ESYT2: variants seen among roughly 807,000 people sequenced by gnomAD.
The protein encoded by ESYT2 is extended synaptotagmin-2.
A neutral mutation model predicts 107.2 loss-of-function variants in ESYT2; 54 were observed. The observed-to-expected ratio is 0.50, with a 90% confidence interval of 0.40 to 0.63. The LOEUF is 0.63. Among genes scored for constraint, ESYT2 ranks in the 30% least tolerant of loss-of-function variants. The pLI, the probability that ESYT2 is intolerant of heterozygous loss-of-function variation, is 0.00. For missense variants in ESYT2, 1,020 were observed against 1,094.5 expected (o/e 0.93, Z 0.96); for synonymous variants, 491 against 434.1 (o/e 1.13, Z -1.63).
intron 1 of ESYT2, among the ~76,000 whole-genome samples, chr7:158,819,058 C>T (rs1840221559): frequency 6.6e-6 from 1 of 152,244 alleles, no homozygotes; most frequent in Non-Finnish European, 1.5e-5. Context: ...GTTAAAAATA[C>T]TTGTAACTGT....
Position 158,743,495 on chromosome 7 carries a change from C to T in ESYT2, c.1794+34G>A, listed in dbSNP as rs141175380. 398 of 1,583,316 alleles carry T rather than the reference C, an allele frequency of 2.5e-4. 1 individual carries two copies. The African/African-American group carries it at 4.9e-3, about 20-fold the overall frequency. On this transcript the variant is annotated intron_variant, in intron 17 of 22. Transcript: ENST00000275418. Reference sequence around the variant, plus strand: ...TCCCTGCCAGCACCCGCCTCCCCATCCCCTATGGTGTTCACTGCAGGACGA... The same window carrying T: ...TCCCTGCCAGCACCCGCCTCCCCATTCCCTATGGTGTTCACTGCAGGACGA...
At position 158,785,998 on chromosome 7, in the gene ESYT2, G is replaced by C. The variant is rs530518433; in HGVS notation, c.747+2006C>G. Reference sequence around the variant, plus strand: ...AGGAGGAATTACTTGGCAGCCAGCTGTAACTCTGTTCTCATATTTTCCAGT... The same window carrying C: ...AGGAGGAATTACTTGGCAGCCAGCTCTAACTCTGTTCTCATATTTTCCAGT... On this transcript the variant is annotated intron_variant, in intron 6 of 22. Coordinates refer to ENST00000275418, the MANE Select transcript of ESYT2 (RefSeq NM_001367773.1). 3.3e-5 allele frequency among the ~76,000 whole-genome samples: 5 copies of C among 152,238 alleles called. No homozygotes were observed. The South Asian group carries it at 8.3e-4, about 25-fold the overall frequency.
chr7:158,806,146 C>T (rs1311263825), intron 1 of ESYT2, among the ~76,000 whole-genome samples: 70 of 25,894 alleles, frequency 2.7e-3, no homozygotes, highest in South Asian at 4.2e-3. Flanking sequence ...CGGGGCACAC[C>T]GCGTAGGAGG....
At chr7:158,741,429 C>T (rs1463171448) in intron 18 of ESYT2, 94 bp downstream of exon 18, 2 of 1,482,038 alleles carry the variant, frequency 1.3e-6, no homozygotes, top group South Asian at 1.4e-5. Flanking sequence ...AGCATGCCGG[C>T]CTCATGCTCT....
chr7:158,751,740 G>A (rs1427885908), intron 14 of ESYT2, among the ~76,000 whole-genome samples: 1 of 151,424 alleles, frequency 6.6e-6, no homozygotes, highest in Non-Finnish European at 1.5e-5. Flanking sequence ...TGGACGAAGT[G>A]TCTTGTTGGA....
At chr7:158,769,737 A>G (rs1212098277) in intron 7 of ESYT2, among the ~76,000 whole-genome samples, 1 of 152,174 alleles carries the variant, frequency 6.6e-6, no homozygotes, top group African/African-American at 2.4e-5. Context: ...ATTAAAACAC[A>G]ATGGATATTT....
At chr7:158,744,024 A>G (rs547357601) in intron 16 of ESYT2, 4 of 203,028 alleles carry the variant, frequency 2.0e-5, no homozygotes, top group East Asian at 1.8e-4. Flanking sequence ...CAGTGAGCTG[A>G]TATCGCGCCA....
chr7:158,752,817 A>C lies in ESYT2; in HGVS notation c.1446T>G (p.Asp482Glu), dbSNP rs781688669. The C allele has an allele frequency of 1.3e-5, 17 of 1,304,184 alleles. No homozygotes were observed. Among genetic ancestry groups the C allele is most frequent in the Non-Finnish European group, 1.6e-5 (16 of 989,016 alleles). 80.8% of individuals were successfully genotyped at this position (1,304,184 alleles called of 1,614,324 possible). A position where few individuals can be genotyped will look rare whatever the true frequency, so the allele number is the denominator to read the frequency against. ...TCTGAACTGCAGTCTTCTTCAAGAC[A>C]TCGGGGTTAAATTCTAATGGGTTAC... The part of the protein sequence containing the change: ...LPSNPLEFNP[D>E]VLKKTAVQRA... The change falls in exon 14 of 23, where the codon GAT becomes GAG. Residue 482 changes from aspartate (D) to glutamate (E), a missense_variant. Physicochemically the swap from Asp to Glu is conservative, Grantham distance 45. Coordinates refer to ENST00000275418, the MANE Select transcript of ESYT2 (RefSeq NM_001367773.1).
intron 15 of ESYT2, 40 bp downstream of exon 15, chr7:158,749,609 A>G: frequency 3.7e-6 from 6 of 1,601,508 alleles, no homozygotes; most frequent in Non-Finnish European, 4.3e-6. Flanking sequence ...CAGCGCCCGC[A>G]CGACAGGCAC....
rs1836825200 is a variant in ESYT2, at chr7:158,733,840, G to T, written c.*367C>A. ...TTCTGAATTTAAACCAGCATGTAAA[G>T]ATTATAAAAAATAGTCTATTTACAT... On this transcript the variant is annotated 3_prime_UTR_variant, in exon 23 of 23. Coordinates refer to ENST00000275418, the MANE Select transcript of ESYT2 (RefSeq NM_001367773.1). 1 of 162,978 alleles carries T rather than the reference G, an allele frequency of 6.1e-6. No homozygotes were observed. Among genetic ancestry groups the T allele is most frequent in the African/African-American group, 2.4e-5 (1 of 41,764 alleles). 10.1% of individuals were successfully genotyped at this position (162,978 alleles called of 1,614,324 possible).
rs966711586 is a variant in ESYT2, at chr7:158,795,587, CG to C, written c.508-1862del. On this transcript the variant is annotated intron_variant, in intron 3 of 22. Coordinates refer to ENST00000275418, the MANE Select transcript of ESYT2 (RefSeq NM_001367773.1). ...CAGGACAATGCAGCCCCTGCGGCCA[CG>C]TACAGACAGAGCATGCAGCCCCTGC... is the stretch of plus-strand genomic sequence containing the variant. Among the ~76,000 whole-genome samples the C allele has an allele frequency of 3.2e-3, 366 of 115,514 alleles. 2 individuals carry two copies. Among genetic ancestry groups the C allele is most frequent in the African/African-American group, 0.013 (347 of 26,712 alleles). 75.8% of individuals were successfully genotyped at this position (115,514 alleles called of 152,430 possible). A position where few individuals can be genotyped will look rare whatever the true frequency, so the allele number is the denominator to read the frequency against.
chr7:158,823,528 G>A (rs1017480782), intron 1 of ESYT2, among the ~76,000 whole-genome samples: 14 of 151,784 alleles, frequency 9.2e-5, no homozygotes, highest in Middle Eastern at 3.4e-3. Context: ...GGGTCTCACC[G>A]TGTTAGCCAG....
intron 8 of ESYT2, among the ~76,000 whole-genome samples, chr7:158,765,720 A>C (rs1838134761): frequency 6.6e-6 from 1 of 152,140 alleles, no homozygotes; most frequent in South Asian, 2.1e-4. Context: ...TGAGCGACAG[A>C]GCAAGACCCT....
rs1288253992 is a variant in ESYT2 at position 158,761,511 on chromosome 7, C to T, written c.1218G>A (p.Glu406=). The change falls in exon 11 of 23, where the codon GAG becomes GAA. Residue 406 remains glutamate, a synonymous_variant. Transcript: ENST00000275418. ...GGAAACTTACTTCATCTAAAAGGCG[C>T]TCCTTTTCAACTTCAATGAGGTCAA... ...LMIDLIEVEK[E]RLLDEWFTLD... 6.2e-7 allele frequency: 1 copy of T among 1,614,050 alleles called. No individual in the cohort carries two copies.
At chr7:158,763,279 CTTATTTAT>C in intron 9 of ESYT2, 114 bp from the exon 10 acceptor site, 2 of 383,494 alleles carry the variant, frequency 5.2e-6, no homozygotes, top group Non-Finnish European at 3.8e-6. Flanking sequence ...GTGGTAAATC[CTTATTTAT>C]TTATTTATTT....
At chr7:158,759,667 C>A in intron 12 of ESYT2, 86 bp from the exon 13 acceptor site, 1 of 1,131,476 alleles carries the variant, frequency 8.8e-7, no homozygotes, top group Non-Finnish European at 1.3e-6. Flanking sequence ...GTTGATTACG[C>A]TAAAAATAAG....
chr7:158,767,370 G>A (rs558957885), intron 8 of ESYT2, among the ~76,000 whole-genome samples: 5 of 152,264 alleles, frequency 3.3e-5, no homozygotes, highest in South Asian at 2.1e-4. Flanking sequence ...TAAGATGTCC[G>A]TGCCATGTAC....
chr7:158,761,365 A>AT (rs1837953102), intron 11 of ESYT2, 131 bp downstream of exon 11: 2 of 726,440 alleles, frequency 2.8e-6, no homozygotes, highest in Non-Finnish European at 4.8e-6. Context: ...TGTTAAGTAA[A>AT]TGTTGTTCAT....
intron 4 of ESYT2, among the ~76,000 whole-genome samples, chr7:158,791,939 T>G (rs927268427): frequency 6.7e-6 from 1 of 149,264 alleles, no homozygotes; most frequent in Non-Finnish European, 1.5e-5. Context: ...GTTTTTCTAT[T>G]TATTTGTATC....
Sources: allele counts gnomAD v4.1 joint callset (sites outside exome capture counted in the v4.1 genomes callset), GRCh38; gene constraint gnomAD v4.1.1; transcripts MANE v1.5; gene names NCBI Gene and HGNC (gene_info 2026-07-23, HGNC 2026-07-21).